SH3PXD2A: variants seen among roughly 807,000 people sequenced by gnomAD.
SH3PXD2A encodes SH3 and PX domain-containing protein 2A.
Under a neutral mutation model 115.2 loss-of-function variants are expected in SH3PXD2A, and 32 were observed. The ratio of observed to expected loss-of-function variants is 0.28; its 90% CI spans 0.21 to 0.37. The LOEUF (loss-of-function observed/expected upper bound fraction) is 0.37, where lower values mean the gene tolerates loss of function less well. Among genes scored for constraint, SH3PXD2A ranks in the 10% least tolerant of loss-of-function variants. The pLI is 1.00. For missense variants in SH3PXD2A, 1,328 were observed against 1,498.7 expected, an observed-to-expected ratio of 0.89 and a Z score of 1.88; for synonymous variants, 610 against 629.1, an observed-to-expected ratio of 0.97 and a Z score of 0.45.
At chr10:103,736,841 CTTCCACTCCCAGTCCT>C (rs1564876666) in intron 3 of SH3PXD2A, 11 of 1,183,986 alleles carry the variant, frequency 9.3e-6, no homozygotes, top group Non-Finnish European at 1.2e-5. Flanking sequence ...GAGAAGGCAT[CTTCCACTCCCAGTCCT>C]TGTGGTGTCA....
chr10:103,722,595 C>G lies in SH3PXD2A; in HGVS notation c.398+1675G>C, dbSNP rs987394738. 7.7e-5 allele frequency among the ~76,000 whole-genome samples: 11 copies of G among 143,574 alleles called. 1 individual carries two copies. In the East Asian group the frequency reaches 2.0e-3, roughly 26 times the overall value. 94.2% of individuals were successfully genotyped at this position (143,574 alleles called of 152,430 possible). On this transcript the variant is annotated intron_variant, in intron 5 of 14. Transcript: ENST00000369774. ...GGGATTACAGGTGTGAGCCAATATG[C>G]CTAGCTTTTTTTTTTTTTTTTTCAA...
At chr10:103,661,192 C>A (rs2037295142) in intron 7 of SH3PXD2A, 78 bp from the exon 8 acceptor site, 2 of 1,533,868 alleles carry the variant, frequency 1.3e-6, no homozygotes, top group Admixed American at 3.7e-5. Flanking sequence ...GTCCATCGGC[C>A]TCCTCGGGGG....
chr10:103,633,341 G>C (rs759377355), intron 8 of SH3PXD2A, among the ~76,000 whole-genome samples: 1 of 151,562 alleles, frequency 6.6e-6, no homozygotes, highest in Admixed American at 6.6e-5. Context: ...ACTTGAGCCC[G>C]GGAGCCGGAG....
chr10:103,655,018 G>A (rs541757169), intron 8 of SH3PXD2A, among the ~76,000 whole-genome samples: 91 of 152,274 alleles, frequency 6.0e-4, no homozygotes, highest in African/African-American at 2.1e-3. Context: ...ATGCTCCCAG[G>A]CCCTTTCCCC....
chr10:103,736,911 T>A lies in SH3PXD2A; in HGVS notation c.230-1103A>T, dbSNP rs1012012939. ...CCTAGCAACAAAGGTAGCCACAGGA[T>A]GCAGCCTAGTCAGCCAGAGTCACAG... is the stretch of plus-strand genomic sequence containing the variant. On this transcript the variant is annotated intron_variant, in intron 3 of 14. Transcript: ENST00000369774. The A allele has an allele frequency of 4.0e-5, 23 of 576,652 alleles. No homozygotes were observed. In the African/African-American group the frequency reaches 4.2e-4, roughly 11 times the overall value. 35.7% of individuals were successfully genotyped at this position (576,652 alleles called of 1,614,324 possible).
chr10:103,603,768 C>T lies in SH3PXD2A; in HGVS notation c.1450G>A (p.Gly484Ser). 6.2e-7 allele frequency: 1 copy of T among 1,609,576 alleles called. No individual in the cohort carries two copies. Among genetic ancestry groups the T allele is most frequent in the South Asian group, 1.1e-5 (1 of 91,026 alleles). The change falls in exon 15 of 15, where the codon GGC (glycine) becomes AGC (serine). Residue 484 changes from glycine to serine, a missense_variant. Around this residue, in one of 5 missense-constraint regions of SH3PXD2A, gnomAD observed 509 missense variants for 628.3 expected, o/e 0.81. Coordinates refer to ENST00000369774, the MANE Select transcript of SH3PXD2A (RefSeq NM_001394015.1). ...TCACCGATCTGCACGTACCACCAGC[C>T]ACCTGAGTTCTTATCAATGACCTGG... ...KAEVIDKNSG[G>S]WWYVQIGEKE...
At chr10:103,786,526 G>A (rs1416232222) in intron 2 of SH3PXD2A, among the ~76,000 whole-genome samples, 1 of 152,106 alleles carries the variant, frequency 6.6e-6, no homozygotes, top group Non-Finnish European at 1.5e-5. Context: ...AATTAGTCCA[G>A]CACAGTGGTG....
intron 8 of SH3PXD2A, among the ~76,000 whole-genome samples, chr10:103,648,071 A>C (rs2037062118): frequency 6.6e-6 from 1 of 152,154 alleles, no homozygotes; most frequent in Non-Finnish European, 1.5e-5. Context: ...TCCACGCAGG[A>C]AAGATGCATG....
In SH3PXD2A at chr10:103,665,136, C is replaced by T. The variant is rs1379954272; in HGVS notation, c.472+3472G>A. Among the ~76,000 whole-genome samples, 2 of 152,188 alleles carry T rather than the reference C, an allele frequency of 1.3e-5. No homozygotes were observed. Among genetic ancestry groups the T allele is most frequent in the African/African-American group, 4.8e-5 (2 of 41,446 alleles). On this transcript the variant is annotated intron_variant, in intron 7 of 14. Transcript: ENST00000369774. The surrounding 1 kb of genome is among the most constrained non-coding windows in gnomAD (Gnocchi z 4.0). Reference sequence around the variant, plus strand: ...TGGTTTGTGGTGTCAATATGAATACCTTGACTCTGATATGGGAATATGGGA... The same window carrying T: ...TGGTTTGTGGTGTCAATATGAATACTTTGACTCTGATATGGGAATATGGGA...
intron 1 of SH3PXD2A, among the ~76,000 whole-genome samples, chr10:103,807,388 G>C (rs747508645): frequency 5.3e-5 from 8 of 152,206 alleles, no homozygotes; most frequent in Non-Finnish European, 1.0e-4. Context: ...CCCATTTACT[G>C]AGGAAGGCCT....
Position 103,828,175 on chromosome 10 carries a change from T to C in SH3PXD2A, c.73-26813A>G, listed in dbSNP as rs1195370390. 3.3e-5 allele frequency among the ~76,000 whole-genome samples: 5 copies of C among 152,216 alleles called. No homozygotes were observed. The East Asian group carries it at 9.6e-4, about 29-fold the overall frequency. ...GGATGATGGGTAGGTAGCCAGACTC[T>C]AGGCAGGAAGCGAATGCTTACGCTA... On this transcript the variant is annotated intron_variant, in intron 1 of 14. Transcript: ENST00000369774.
intron 2 of SH3PXD2A, among the ~76,000 whole-genome samples, chr10:103,776,698 C>T (rs1397969175): frequency 6.6e-6 from 1 of 152,060 alleles, no homozygotes; most frequent in Non-Finnish European, 1.5e-5. Flanking sequence ...AAAGGAGAAC[C>T]TTGATCTCTG....
chr10:103,658,482 C>T (rs758092832), intron 8 of SH3PXD2A, among the ~76,000 whole-genome samples: 11 of 152,210 alleles, frequency 7.2e-5, no homozygotes, highest in African/African-American at 2.2e-4. Context: ...TCTCCCCCAC[C>T]GTCAGGCCTC....
intron 3 of SH3PXD2A, among the ~76,000 whole-genome samples, chr10:103,744,643 T>C (rs1467153143): frequency 6.6e-6 from 1 of 152,214 alleles, no homozygotes; most frequent in Non-Finnish European, 1.5e-5. Context: ...TCCTTCCTTC[T>C]TCACTTGCAA....
At chr10:103,624,685 C>T (rs1412997152) in intron 9 of SH3PXD2A, among the ~76,000 whole-genome samples, 3 of 152,198 alleles carry the variant, frequency 2.0e-5, no homozygotes, top group African/African-American at 7.2e-5. Context: ...ATGCAGGCTT[C>T]CAATTTCTGT....
At chr10:103,839,174 CAA>C (rs1158408056) in intron 1 of SH3PXD2A, among the ~76,000 whole-genome samples, 1 of 152,116 alleles carries the variant, frequency 6.6e-6, no homozygotes, top group East Asian at 1.9e-4. Flanking sequence ...ATAGAAATCC[CAA>C]CTCTCTTTTT....
Position 103,666,216 on chromosome 10 carries a change from A to T in SH3PXD2A, c.472+2392T>A, listed in dbSNP as rs939149260. ...CCCGTCCCCCACACCACCATTCAATACATCATTCATGATTCAACACATGTA... is the reference window on the plus strand; with the variant it reads ...CCCGTCCCCCACACCACCATTCAATTCATCATTCATGATTCAACACATGTA... On this transcript the variant is annotated intron_variant, in intron 7 of 14. Transcript: ENST00000369774. The surrounding 1 kb of genome is among the most constrained non-coding windows in gnomAD (Gnocchi z 4.5). 6.6e-6 allele frequency among the ~76,000 whole-genome samples: 1 copy of T among 152,186 alleles called. No homozygotes were observed. Among genetic ancestry groups the T allele is most frequent in the African/African-American group, 2.4e-5 (1 of 41,440 alleles).
intron 8 of SH3PXD2A, among the ~76,000 whole-genome samples, chr10:103,650,466 T>C (rs990586241): frequency 6.6e-5 from 10 of 152,210 alleles, no homozygotes; most frequent in African/African-American, 1.9e-4. Flanking sequence ...CCTTGACCAG[T>C]TCCTCCAGCT....
At chr10:103,648,523 A>G (rs897642233) in intron 8 of SH3PXD2A, among the ~76,000 whole-genome samples, 3 of 152,186 alleles carry the variant, frequency 2.0e-5, no homozygotes, top group African/African-American at 7.2e-5. Context: ...ACAGGGAGAG[A>G]CACCCTCGCT....
Sources: gnomAD v4.1 joint callset for allele counts (sites outside exome capture counted in the v4.1 genomes callset) on GRCh38, gnomAD v4.1.1 for gene constraint, gnomAD v4.1.1 regional missense constraint, Gnocchi (gnomAD v3.1) non-coding constraint, MANE v1.5 for transcripts, NCBI Gene and HGNC (gene_info 2026-07-23, HGNC 2026-07-21) for gene names.